Variants in NBAS observed in about 807,000 individuals in gnomAD.
The protein encoded by NBAS is NBAS subunit of NRZ tethering complex.
NBAS carries 219 observed loss-of-function variants against 302.5 expected under a neutral mutation model. That is an observed-to-expected ratio of 0.72 (90% CI 0.65 to 0.81). NBAS has a LOEUF of 0.81. Ranked by LOEUF, NBAS falls within the 30% of genes least tolerant of loss-of-function variation. The pLI is 0.00. For missense variants in NBAS, 2,932 were observed against 2,841.6 expected, an observed-to-expected ratio of 1.03 and a Z score of -0.72; for synonymous variants, 1,118 against 1,021.6, an observed-to-expected ratio of 1.09 and a Z score of -1.80.
intron 9 of NBAS, among the ~76,000 whole-genome samples, chr2:15,524,798 AT>A (rs58928230): frequency 2.4e-3 from 343 of 145,404 alleles, no homozygotes; most frequent in Middle Eastern, 3.5e-3. Context: ...CTAGGTATGC[AT>A]TTTTTTTTTT....
At chr2:15,129,166 C>T in the NBAS span, among the ~76,000 whole-genome samples, 10 of 152,354 alleles carry the variant, frequency 6.6e-5, no homozygotes, top group South Asian at 1.9e-3. Flanking sequence ...CCCAGCAATA[C>T]TTAATTATTT....
the NBAS span, among the ~76,000 whole-genome samples, chr2:14,887,032 A>G: frequency 6.6e-6 from 1 of 152,232 alleles, no homozygotes; most frequent in Non-Finnish European, 1.5e-5. Context: ...ATTGACAGAA[A>G]AAAGAATTTG....
At chr2:15,510,517 C>A (rs562444479) in intron 10 of NBAS, among the ~76,000 whole-genome samples, 1 of 152,226 alleles carries the variant, frequency 6.6e-6, no homozygotes, top group Admixed American at 6.5e-5. Context: ...TCAGGCTTTG[C>A]CACAAAATAA....
At position 15,366,639 on chromosome 2, in the gene NBAS, G is replaced by C; in HGVS notation, c.3758C>G (p.Pro1253Arg). 5 of 1,614,108 alleles carry C rather than the reference G, an allele frequency of 3.1e-6. No individual in the cohort carries two copies. Among genetic ancestry groups the C allele is most frequent in the Non-Finnish European group, 4.2e-6 (5 of 1,180,000 alleles). Residue 1253 changes from proline to arginine, a missense_variant, in exon 32 of 52, where the codon CCC (proline) becomes CGC (arginine). By Grantham distance (103) the Pro-to-Arg change is moderately radical. Coordinates refer to ENST00000281513, the MANE Select transcript of NBAS (RefSeq NM_015909.4). ...SLIKECISQSPTCYKQSTKLL... is the reference protein window; with the variant it reads ...SLIKECISQSRTCYKQSTKLL... ...CTTGGTGGATTGTTTATAGCATGTG[G>C]GGGACTGGGAAATACACTCCTTGAT...
chr2:15,531,500 T>A (rs1334417265), intron 9 of NBAS, among the ~76,000 whole-genome samples: 1 of 152,116 alleles, frequency 6.6e-6, no homozygotes, highest in Non-Finnish European at 1.5e-5. Context: ...TAGGGGAAAG[T>A]CTGTGATAAG....
chr2:15,299,580 T>C (rs1009178966), intron 40 of NBAS, among the ~76,000 whole-genome samples: 26 of 152,322 alleles, frequency 1.7e-4, no homozygotes, highest in Admixed American at 1.5e-3. Context: ...ATTTTAGAAA[T>C]AGTCTACCAT....
At chr2:15,338,674 T>TACACACACACACACACACACACACACAC (rs70961409) in intron 35 of NBAS, among the ~76,000 whole-genome samples, 3 of 134,746 alleles carry the variant, frequency 2.2e-5, no homozygotes, top group Admixed American at 1.5e-4. Context: ...AACACACACA[T>TACACACACACACACACACACACACACAC]ACACACACAC....
At chr2:14,896,543 C>A in the NBAS span, among the ~76,000 whole-genome samples, 1 of 152,196 alleles carries the variant, frequency 6.6e-6, no homozygotes, top group Non-Finnish European at 1.5e-5. Flanking sequence ...CGCAAGGAAC[C>A]AATTAGCTGC....
At chr2:15,415,471 A>G in intron 25 of NBAS, 75 bp downstream of exon 25, 1 of 1,331,166 alleles carries the variant, frequency 7.5e-7, no homozygotes, top group Non-Finnish European at 1.1e-6. Context: ...AGCCTACCAT[A>G]AAAATTGTAT....
At chr2:14,898,505 G>A in the NBAS span, among the ~76,000 whole-genome samples, 2 of 152,136 alleles carry the variant, frequency 1.3e-5, no homozygotes, top group Non-Finnish European at 2.9e-5. Context: ...ATATGGTTTG[G>A]CTCTCTGTCC....
At chr2:15,199,574 T>A (rs1447624000) in intron 48 of NBAS, among the ~76,000 whole-genome samples, 2 of 152,188 alleles carry the variant, frequency 1.3e-5, no homozygotes, top group Admixed American at 6.5e-5. Flanking sequence ...AGTTATCAAA[T>A]GCTTCAACAT....
At chr2:15,499,432 GAAC>G (rs1039856201) in intron 11 of NBAS, among the ~76,000 whole-genome samples, 2 of 152,166 alleles carry the variant, frequency 1.3e-5, no homozygotes, top group Non-Finnish European at 2.9e-5. Context: ...CCCTAAAAAA[GAAC>G]AACACTATGT....
chr2:15,153,362 G>A, the NBAS span, among the ~76,000 whole-genome samples: 1 of 152,232 alleles, frequency 6.6e-6, no homozygotes, highest in African/African-American at 2.4e-5. Flanking sequence ...TATCCCCTGA[G>A]AAGGCTATTT....
chr2:15,508,423 T>G (rs1419801167), intron 10 of NBAS, among the ~76,000 whole-genome samples: 1 of 152,140 alleles, frequency 6.6e-6, no homozygotes, highest in Non-Finnish European at 1.5e-5. Context: ...GGGTCCCAAA[T>G]AAACACTTGA....
At chr2:15,377,764 A>G (rs550592680) in intron 30 of NBAS, among the ~76,000 whole-genome samples, 1 of 152,252 alleles carries the variant, frequency 6.6e-6, no homozygotes. Flanking sequence ...AAAATGCTGC[A>G]GATCTGTATA....
rs1248626967 is a variant in NBAS at position 15,330,464 on chromosome 2, G to A, written c.4347+134C>T. 12 of 1,135,542 alleles carry A rather than the reference G, an allele frequency of 1.1e-5. No homozygotes were observed. In the Admixed American group the frequency reaches 1.1e-4, roughly 10 times the overall value. The allele number at this position is 1,135,542 out of a possible 1,614,324, so 70.3% of individuals were successfully genotyped here. The stretch of plus-strand genomic sequence containing the variant: ...AGAGATTACTCCCTATCTGATGAGA[G>A]GCCTACATTTCTTAAGAGATTGTTT... On this transcript the variant is annotated intron_variant, in intron 36 of 51. Coordinates refer to ENST00000281513, the MANE Select transcript of NBAS (RefSeq NM_015909.4).
chr2:15,243,577 G>GA (rs200944798), intron 44 of NBAS, among the ~76,000 whole-genome samples: 2,024 of 127,492 alleles, frequency 0.016, 48 homozygotes, highest in African/African-American at 0.053. Flanking sequence ...ATCAGGCAAT[G>GA]AAAAAAAAAA....
chr2:15,541,611 CTAAT>C (rs1476625187), intron 6 of NBAS, among the ~76,000 whole-genome samples: 4 of 152,080 alleles, frequency 2.6e-5, no homozygotes, highest in South Asian at 2.1e-4. Context: ...ATGGATAAGT[CTAAT>C]TAATTTTATT....
chr2:15,301,599 A>G (rs889004388), intron 40 of NBAS, among the ~76,000 whole-genome samples: 2 of 152,252 alleles, frequency 1.3e-5, no homozygotes, highest in African/African-American at 4.8e-5. Flanking sequence ...CATCCAGCTC[A>G]GAAGAAAGAT....
Sources: gnomAD v4.1 joint callset for allele counts (sites outside exome capture counted in the v4.1 genomes callset) on GRCh38, gnomAD v4.1.1 for gene constraint, MANE v1.5 for transcripts, NCBI Gene and HGNC (gene_info 2026-07-23, HGNC 2026-07-21) for gene names.